The following MACROD2 variants were observed in gnomAD, a reference collection of about 807,000 sequenced individuals.
MACROD2 encodes the protein ADP-ribose glycohydrolase MACROD2.
A neutral mutation model predicts 70.4 loss-of-function variants in MACROD2; 36 were observed. The observed-to-expected ratio is 0.51, with a 90% CI of 0.39 to 0.68. The LOEUF (loss-of-function observed/expected upper bound fraction) is 0.68, where lower values mean the gene tolerates loss of function less well. Ranked by LOEUF, MACROD2 falls within the 30% of genes least tolerant of loss-of-function variation. MACROD2 has a pLI of 0.00. For synonymous variants in MACROD2, 172 were observed against 178.8 expected, an observed-to-expected ratio of 0.96 and a Z score of 0.30; for missense variants, 496 against 538.4, an observed-to-expected ratio of 0.92 and a Z score of 0.78.
intron 5 of MACROD2, among the ~76,000 whole-genome samples, chr20:15,216,856 T>C (rs750555135): frequency 7.2e-5 from 11 of 152,232 alleles, no homozygotes; most frequent in Admixed American, 1.3e-4. Flanking sequence ...TTTCTTTGCT[T>C]CATTTTTCTC....
chr20:15,125,561 GTTATA>G (rs1210616840), intron 5 of MACROD2, among the ~76,000 whole-genome samples: 2 of 151,950 alleles, frequency 1.3e-5, no homozygotes, highest in Non-Finnish European at 2.9e-5. Context: ...GAAAGTAGGG[GTTATA>G]TTAGCAATGT....
At chr20:14,757,838 C>G (rs1348955912) in intron 5 of MACROD2, 1 of 1,524,070 alleles carries the variant, frequency 6.6e-7, no homozygotes, top group Non-Finnish European at 9.1e-7. Context: ...GCCTGCCACT[C>G]TATGCCGTAG....
At chr20:15,194,374 A>T (rs2076591893) in intron 5 of MACROD2, among the ~76,000 whole-genome samples, 1 of 151,028 alleles carries the variant, frequency 6.6e-6, no homozygotes, top group Non-Finnish European at 1.5e-5. Flanking sequence ...GTTGTTATGG[A>T]TGACCTTGAT....
intron 5 of MACROD2, among the ~76,000 whole-genome samples, chr20:14,751,823 T>C (rs2071874858): frequency 7.5e-6 from 1 of 133,598 alleles, no homozygotes; most frequent in South Asian, 2.3e-4. Context: ...TGGGTGAAAC[T>C]GCAAAGTCAC....
At chr20:15,686,992 G>T (rs1181398186) in intron 8 of MACROD2, among the ~76,000 whole-genome samples, 19 of 139,058 alleles carry the variant, frequency 1.4e-4, no homozygotes, top group African/African-American at 5.0e-4. Context: ...TCTAAAGCTA[G>T]TTTCTTTTTT....
intron 13 of MACROD2, among the ~76,000 whole-genome samples, chr20:15,983,354 TG>T (rs1289059099): frequency 9.2e-5 from 14 of 152,156 alleles, no homozygotes; most frequent in African/African-American, 3.4e-4. Context: ...GATAGCCAAA[TG>T]GACTAAAGCA....
At chr20:16,004,712 G>C (rs114926612) in intron 15 of MACROD2, among the ~76,000 whole-genome samples, 253 of 152,362 alleles carry the variant, frequency 1.7e-3, no homozygotes, top group African/African-American at 5.6e-3. Flanking sequence ...TGCAAGGCCA[G>C]CTCTCCCTTA....
At chr20:15,269,505 A>G (rs980352119) in intron 6 of MACROD2, among the ~76,000 whole-genome samples, 2 of 152,256 alleles carry the variant, frequency 1.3e-5, no homozygotes, top group Non-Finnish European at 2.9e-5. Flanking sequence ...CTAACTACTG[A>G]TAAATACTGC....
intron 2 of MACROD2, chr20:14,003,822 G>A: frequency 2.8e-6 from 1 of 353,968 alleles, no homozygotes; most frequent in Non-Finnish European, 5.4e-6. Flanking sequence ...TGAAAGAGAG[G>A]AGAGTGCTGT....
intron 6 of MACROD2, among the ~76,000 whole-genome samples, chr20:15,316,443 G>T (rs2077811904): frequency 6.6e-6 from 1 of 152,020 alleles, no homozygotes; most frequent in Non-Finnish European, 1.5e-5. Context: ...GCTATTAAAA[G>T]AGAGAAAGAA....
intron 5 of MACROD2, among the ~76,000 whole-genome samples, chr20:14,965,453 C>CTTT (rs532870999): frequency 0.012 from 814 of 68,150 alleles, 17 homozygotes; most frequent in Middle Eastern, 0.036. Context: ...ATTTTTTTTT[C>CTTT]TTTTTTTTTT....
chr20:15,281,494 G>A (rs909707101), intron 6 of MACROD2, among the ~76,000 whole-genome samples: 1 of 152,118 alleles, frequency 6.6e-6, no homozygotes, highest in Non-Finnish European at 1.5e-5. Context: ...GGAGAAATTG[G>A]CCAAAACAAA....
chr20:15,923,955 A>G (rs755932338), intron 10 of MACROD2, among the ~76,000 whole-genome samples: 25 of 152,348 alleles, frequency 1.6e-4, no homozygotes, highest in South Asian at 4.1e-4. Context: ...TTAAATACAC[A>G]TAGACCACCC....
intron 2 of MACROD2, among the ~76,000 whole-genome samples, chr20:14,014,353 C>T (rs1658999466): frequency 6.6e-6 from 1 of 151,122 alleles, no homozygotes; most frequent in African/African-American, 2.4e-5. Flanking sequence ...TTTGTCTTTT[C>T]TGAAATATTT....
At chr20:15,156,688 A>T (rs1438371671) in intron 5 of MACROD2, among the ~76,000 whole-genome samples, 1 of 151,980 alleles carries the variant, frequency 6.6e-6, no homozygotes, top group Non-Finnish European at 1.5e-5. Context: ...TTTCCAGGAG[A>T]GGGGAATAGA....
At chr20:15,532,335 C>T (rs2047815132) in intron 8 of MACROD2, among the ~76,000 whole-genome samples, 1 of 151,978 alleles carries the variant, frequency 6.6e-6, no homozygotes, top group Non-Finnish European at 1.5e-5. Flanking sequence ...ATCTCTCAAC[C>T]CTAGCAGAAT....
chr20:14,832,034 G>GTTTTT (rs1180071947), intron 5 of MACROD2, among the ~76,000 whole-genome samples: 4 of 63,676 alleles, frequency 6.3e-5, no homozygotes, highest in Non-Finnish European at 8.5e-5. Context: ...GCCTTTGCGA[G>GTTTTT]TTTTTTTTTT....
At chr20:15,456,482 T>G (rs561114982) in intron 7 of MACROD2, among the ~76,000 whole-genome samples, 1 of 152,258 alleles carries the variant, frequency 6.6e-6, no homozygotes, top group South Asian at 2.1e-4. Context: ...TGATTAGGAA[T>G]CAAACCGTGC....
chr20:15,063,693 C>T (rs1032464684), intron 5 of MACROD2, among the ~76,000 whole-genome samples: 6 of 152,168 alleles, frequency 3.9e-5, no homozygotes, highest in African/African-American at 1.4e-4. Flanking sequence ...TGTGTGTATA[C>T]TCACCATGTG....
Sources: gnomAD v4.1 joint callset for allele counts (sites outside exome capture counted in the v4.1 genomes callset) on GRCh38, gnomAD v4.1.1 for gene constraint, MANE v1.5 for transcripts, NCBI Gene and HGNC (gene_info 2026-07-23, HGNC 2026-07-21) for gene names.